The following MAGI2 variants were observed in gnomAD, a reference collection of about 807,000 sequenced individuals.
MAGI2 encodes membrane associated guanylate kinase, WW and PDZ domain containing 2.
MAGI2 carries 35 observed loss-of-function variants against 133.3 expected under a neutral mutation model. The ratio of observed to expected loss-of-function variants is 0.26; its 90% CI spans 0.20 to 0.35. The LOEUF is 0.35. Ranked by LOEUF, MAGI2 falls within the 10% of genes least tolerant of loss-of-function variation. The pLI, the probability that MAGI2 is intolerant of heterozygous loss-of-function variation, is 1.00. For missense variants in MAGI2, 1,636 were observed against 1,863.4 expected (o/e 0.88, Z 2.25); for synonymous variants, 729 against 710.6 (o/e 1.03, Z -0.41).
chr7:78,349,327 G>C (rs1791245182), intron 7 of MAGI2, among the ~76,000 whole-genome samples: 1 of 152,112 alleles, frequency 6.6e-6, no homozygotes, highest in African/African-American at 2.4e-5. Flanking sequence ...AAGAAACCAA[G>C]AAACAGCTTT....
intron 6 of MAGI2, among the ~76,000 whole-genome samples, chr7:78,448,026 TC>T (rs1186919050): frequency 6.6e-6 from 1 of 152,150 alleles, no homozygotes; most frequent in African/African-American, 2.4e-5. Context: ...AGGTGATTTG[TC>T]TTTTTGTGCC....
At chr7:78,669,109 T>G (rs1814008979) in intron 2 of MAGI2, among the ~76,000 whole-genome samples, 2 of 151,978 alleles carry the variant, frequency 1.3e-5, no homozygotes, top group Non-Finnish European at 2.9e-5. Context: ...AAAAAACCTT[T>G]CAAAAAATTA....
At chr7:79,026,793 A>G (rs1809931688) in intron 1 of MAGI2, among the ~76,000 whole-genome samples, 1 of 151,934 alleles carries the variant, frequency 6.6e-6, no homozygotes, top group Non-Finnish European at 1.5e-5. Context: ...AAATCGCTTG[A>G]GCCCCGAGAG....
chr7:79,136,122 AAAG>A (rs1266435972), intron 1 of MAGI2, among the ~76,000 whole-genome samples: 1 of 150,912 alleles, frequency 6.6e-6, no homozygotes, highest in Non-Finnish European at 1.5e-5. Flanking sequence ...AGAAAGAAAG[AAAG>A]AAAGACACAA....
At chr7:79,028,253 A>ATATATATGTATG (rs1810142419) in intron 1 of MAGI2, among the ~76,000 whole-genome samples, 1 of 23,658 alleles carries the variant, frequency 4.2e-5, no homozygotes, top group African/African-American at 1.2e-4. Flanking sequence ...ATATATATAT[A>ATATATATGTATG]TATATATATA....
chr7:78,607,899 TCCTATGA>T (rs1224002425), intron 3 of MAGI2, among the ~76,000 whole-genome samples: 1 of 152,100 alleles, frequency 6.6e-6, no homozygotes, highest in African/African-American at 2.4e-5. Context: ...GCTCTCAGCC[TCCTATGA>T]CCTGGTCACT....
chr7:79,342,984 G>C (rs1339466767), intron 1 of MAGI2, among the ~76,000 whole-genome samples: 1 of 151,828 alleles, frequency 6.6e-6, no homozygotes, highest in Non-Finnish European at 1.5e-5. Context: ...GGCTAGTCTC[G>C]AACTCCTGAC....
At chr7:79,348,153 ACTT>A (rs1414025206) in intron 1 of MAGI2, among the ~76,000 whole-genome samples, 2 of 151,904 alleles carry the variant, frequency 1.3e-5, no homozygotes. Context: ...AACAATGCCT[ACTT>A]AAGAGATAAT....
At chr7:79,449,241 C>T (rs1385905628) in intron 1 of MAGI2, among the ~76,000 whole-genome samples, 1 of 151,948 alleles carries the variant, frequency 6.6e-6, no homozygotes, top group Non-Finnish European at 1.5e-5. Context: ...GATCTACTTT[C>T]CTTTGAAGGT....
At chr7:78,757,532 T>C (rs1352515262) in intron 2 of MAGI2, among the ~76,000 whole-genome samples, 1 of 152,230 alleles carries the variant, frequency 6.6e-6, no homozygotes, top group Non-Finnish European at 1.5e-5. Flanking sequence ...ATCTGAATTC[T>C]CTATCTCCAT....
intron 1 of MAGI2, among the ~76,000 whole-genome samples, chr7:79,073,830 T>C (rs995256338): frequency 6.6e-6 from 1 of 151,178 alleles, no homozygotes; most frequent in African/African-American, 2.4e-5. Flanking sequence ...TTTCGTAGAG[T>C]CCTCTCAGCT....
chr7:78,967,758 T>C (rs573010770), intron 2 of MAGI2, among the ~76,000 whole-genome samples: 7 of 152,204 alleles, frequency 4.6e-5, no homozygotes, highest in African/African-American at 1.2e-4. Context: ...GTTTATTATA[T>C]ACGCATGGCT....
At chr7:78,878,556 T>C (rs967733647) in intron 2 of MAGI2, among the ~76,000 whole-genome samples, 1 of 152,250 alleles carries the variant, frequency 6.6e-6, no homozygotes, top group African/African-American at 2.4e-5. Context: ...ATAGAAGTCC[T>C]GCCTGAAAAT....
At chr7:78,515,407 C>T (rs1342736488) in intron 4 of MAGI2, among the ~76,000 whole-genome samples, 1 of 151,902 alleles carries the variant, frequency 6.6e-6, no homozygotes, top group Non-Finnish European at 1.5e-5. Flanking sequence ...GGGATATATC[C>T]TTCAAACTTA....
At chr7:78,882,086 C>CAACAAAAAAAAAAAAAAAAAAAAAAAA (rs1554595667) in intron 2 of MAGI2, among the ~76,000 whole-genome samples, 1 of 12,466 alleles carries the variant, frequency 8.0e-5, no homozygotes, top group African/African-American at 3.3e-4. Context: ...ACAACAACAA[C>CAACAAAAAAAAAAAAAAAAAAAAAAAA]AAAAAAAAAA....
intron 3 of MAGI2, among the ~76,000 whole-genome samples, chr7:78,607,129 G>A (rs759421076): frequency 1.3e-5 from 2 of 152,058 alleles, no homozygotes; most frequent in African/African-American, 4.8e-5. Context: ...TTGTTTGGCC[G>A]CCAAACATCT....
intron 2 of MAGI2, among the ~76,000 whole-genome samples, chr7:78,754,365 T>C (rs1378892485): frequency 7.7e-6 from 1 of 130,054 alleles, no homozygotes; most frequent in Non-Finnish European, 1.7e-5. Flanking sequence ...AGCCAGACCC[T>C]GTCTCAAATA....
intron 2 of MAGI2, among the ~76,000 whole-genome samples, chr7:78,973,344 T>C (rs1803951558): frequency 6.6e-6 from 1 of 151,666 alleles, no homozygotes; most frequent in Non-Finnish European, 1.5e-5. Flanking sequence ...TGTATTTATA[T>C]CTTGTATGTC....
chr7:78,490,994 G>A (rs1793554127), intron 5 of MAGI2, among the ~76,000 whole-genome samples: 1 of 152,040 alleles, frequency 6.6e-6, no homozygotes, highest in Non-Finnish European at 1.5e-5. Flanking sequence ...CCAGGTAATA[G>A]GCATACTTTA....
Sources: gnomAD v4.1 joint callset for allele counts (sites outside exome capture counted in the v4.1 genomes callset) on GRCh38, gnomAD v4.1.1 for gene constraint, MANE v1.5 for transcripts, NCBI Gene and HGNC (gene_info 2026-07-23, HGNC 2026-07-21) for gene names.